Variants in NRXN3 observed in about 807,000 individuals in gnomAD.
NRXN3 encodes the protein neurexin 3.
In NRXN3, 32 loss-of-function variants were observed where a neutral mutation model predicts 137.6. The observed-to-expected ratio is 0.23, with a 90% CI of 0.18 to 0.31. NRXN3 has a LOEUF of 0.31. Among genes scored for constraint, NRXN3 ranks in the 10% least tolerant of loss-of-function variants. The pLI is 1.00. For synonymous variants in NRXN3, 798 were observed against 784.5 expected (o/e 1.02, Z -0.29); for missense variants, 1,574 against 2,062.5 (o/e 0.76, Z 4.59).
chr14:78,304,847 G>A (rs1047120425), intron 4 of NRXN3, among the ~76,000 whole-genome samples: 1 of 152,172 alleles, frequency 6.6e-6, no homozygotes, highest in Non-Finnish European at 1.5e-5. Context: ...GCTGATCGCT[G>A]CCATGCAAGG....
intron 4 of NRXN3, among the ~76,000 whole-genome samples, chr14:78,374,758 G>T (rs2087500895): frequency 1.0e-5 from 1 of 98,858 alleles, no homozygotes; most frequent in Non-Finnish European, 1.9e-5. Context: ...GACAGAGTGA[G>T]ACTCCATCTC....
intron 16 of NRXN3, among the ~76,000 whole-genome samples, chr14:79,548,853 TG>T (rs2097347393): frequency 6.6e-6 from 1 of 152,028 alleles, no homozygotes; most frequent in African/African-American, 2.4e-5. Context: ...AAAATGCCAA[TG>T]TCGTGCTTCC....
chr14:79,599,770 A>C (rs2097902663), intron 16 of NRXN3, among the ~76,000 whole-genome samples: 1 of 152,126 alleles, frequency 6.6e-6, no homozygotes, highest in South Asian at 2.1e-4. Context: ...TGAGGCGGGC[A>C]GATCACCTGA....
intron 1 of NRXN3, among the ~76,000 whole-genome samples, chr14:78,197,230 A>G (rs1295796625): frequency 2.0e-5 from 3 of 152,242 alleles, no homozygotes; most frequent in African/African-American, 7.2e-5. Flanking sequence ...AGTGGCGTGC[A>G]TGCATAATCA....
At chr14:78,446,313 T>C (rs2094417952) in intron 4 of NRXN3, among the ~76,000 whole-genome samples, 3 of 152,078 alleles carry the variant, frequency 2.0e-5, no homozygotes, top group Non-Finnish European at 4.4e-5. Context: ...TGGGGAAGGA[T>C]GATAAAAAAG....
chr14:78,398,470 A>G (rs569516625), intron 4 of NRXN3, among the ~76,000 whole-genome samples: 117 of 152,204 alleles, frequency 7.7e-4, no homozygotes, highest in African/African-American at 2.8e-3. Flanking sequence ...TTACTATTTC[A>G]TTCAGGTAAA....
intron 15 of NRXN3, among the ~76,000 whole-genome samples, chr14:79,284,327 G>A (rs1210019343): frequency 2.7e-4 from 28 of 104,440 alleles, no homozygotes; most frequent in Admixed American, 5.1e-4. Context: ...GGGAAACCCC[G>A]TCTCTACTAA....
chr14:78,173,494 T>A (rs1354823929), intron 1 of NRXN3, among the ~76,000 whole-genome samples: 1 of 151,682 alleles, frequency 6.6e-6, no homozygotes, highest in East Asian at 1.9e-4. Context: ...CTGGGCATTG[T>A]GTGTGCTTGT....
chr14:79,020,141 TCCCTTCCCTTCCC>T (rs2099586323), intron 15 of NRXN3, among the ~76,000 whole-genome samples: 1 of 10,118 alleles, frequency 9.9e-5, no homozygotes, highest in African/African-American at 8.3e-4. Context: ...TCCCTTCCCT[TCCCTTCCCTTCCC>T]TTCCCTTCCC....
chr14:78,294,339 G>C (rs567357545), intron 3 of NRXN3, among the ~76,000 whole-genome samples: 2 of 152,318 alleles, frequency 1.3e-5, no homozygotes, highest in South Asian at 4.1e-4. Flanking sequence ...CAGATCACCT[G>C]AGGTCAGGAG....
At chr14:78,798,047 C>A (rs962740721) in intron 8 of NRXN3, among the ~76,000 whole-genome samples, 1 of 152,082 alleles carries the variant, frequency 6.6e-6, no homozygotes, top group African/African-American at 2.4e-5. Flanking sequence ...CATCCCTGAC[C>A]CCTCCCAAAT....
intron 15 of NRXN3, among the ~76,000 whole-genome samples, chr14:79,344,443 T>G (rs1021226998): frequency 3.3e-5 from 5 of 152,208 alleles, no homozygotes; most frequent in African/African-American, 1.2e-4. Flanking sequence ...ACATAGGAAA[T>G]GTAGAACTTT....
At chr14:79,125,966 CAG>C (rs965034016) in intron 15 of NRXN3, among the ~76,000 whole-genome samples, 1 of 152,062 alleles carries the variant, frequency 6.6e-6, no homozygotes, top group African/African-American at 2.4e-5. Flanking sequence ...TCATTATTAA[CAG>C]AACTATTTTT....
intron 10 of NRXN3, among the ~76,000 whole-genome samples, chr14:78,954,526 G>A (rs908976879): frequency 1.3e-5 from 2 of 152,038 alleles, no homozygotes; most frequent in African/African-American, 2.4e-5. Context: ...GGGCAGTGGC[G>A]CAATCTCAGC....
chr14:78,930,227 AG>A (rs931904632), intron 10 of NRXN3, among the ~76,000 whole-genome samples: 1 of 152,190 alleles, frequency 6.6e-6, no homozygotes, highest in African/African-American at 2.4e-5. Flanking sequence ...GTAAAAAGCC[AG>A]GCTTCCTATA....
chr14:78,729,257 G>A (rs1230292790), intron 8 of NRXN3, among the ~76,000 whole-genome samples: 1 of 152,128 alleles, frequency 6.6e-6, no homozygotes, highest in Non-Finnish European at 1.5e-5. Context: ...AAATACTAAA[G>A]GTAGGAATTT....
intron 16 of NRXN3, among the ~76,000 whole-genome samples, chr14:79,657,752 G>A (rs1270331166): frequency 6.6e-6 from 1 of 152,116 alleles, no homozygotes; most frequent in East Asian, 1.9e-4. Context: ...TGATCAATCA[G>A]GTAAGCTGTA....
chr14:78,796,106 C>T (rs1040908156), intron 8 of NRXN3, among the ~76,000 whole-genome samples: 1 of 152,168 alleles, frequency 6.6e-6, no homozygotes, highest in African/African-American at 2.4e-5. Context: ...TAGGCATAGC[C>T]AAGAACATTG....
chr14:78,352,943 A>G (rs1784384389), intron 4 of NRXN3, among the ~76,000 whole-genome samples: 1 of 152,190 alleles, frequency 6.6e-6, no homozygotes, highest in African/African-American at 2.4e-5. Context: ...ACAGTGATCC[A>G]AGAGCTTCAG....
Sources: allele counts gnomAD v4.1 joint callset (sites outside exome capture counted in the v4.1 genomes callset), GRCh38; gene constraint gnomAD v4.1.1; transcripts MANE v1.5; gene names NCBI Gene and HGNC (gene_info 2026-07-23, HGNC 2026-07-21).